ANKHD1: variants seen among roughly 807,000 people sequenced by gnomAD.
The protein encoded by ANKHD1 is ankyrin repeat and KH domain containing 1.
In ANKHD1, 31 loss-of-function variants were observed where a neutral mutation model predicts 230.5. The ratio of observed to expected loss-of-function variants is 0.13; its 90% CI spans 0.10 to 0.18. The LOEUF (loss-of-function observed/expected upper bound fraction) is 0.18. ANKHD1 is among the 10% of genes least tolerant of loss of function. The pLI is 1.00. For synonymous variants in ANKHD1, 1,074 were observed against 1,117.6 expected (o/e 0.96, Z 0.78); for missense variants, 2,256 against 3,071.3 (o/e 0.73, Z 6.27).
At chr5:140,521,755 A>G (rs1019367977) in intron 24 of ANKHD1, among the ~76,000 whole-genome samples, 1 of 152,192 alleles carries the variant, frequency 6.6e-6, no homozygotes, top group African/African-American at 2.4e-5. Context: ...TGAAGTGGGC[A>G]GATCACCTGA....
intron 7 of ANKHD1, among the ~76,000 whole-genome samples, chr5:140,452,539 A>G (rs1000678321): frequency 6.6e-6 from 1 of 152,214 alleles, no homozygotes; most frequent in African/African-American, 2.4e-5. Context: ...AGGAACGATC[A>G]GGCAGGAACA....
chr5:140,535,567 A>G, intron 30 of ANKHD1, 29 bp downstream of exon 30: 6 of 1,555,704 alleles, frequency 3.9e-6, no homozygotes, highest in Non-Finnish European at 5.2e-6. Flanking sequence ...CTCTTCCCAA[A>G]GAGTTTTGAA....
rs147333541 is a variant in ANKHD1, at chr5:140,471,183, C to G, written c.1782+6407C>G. ...ATTTCAGGTTTTTAGATTAGTGATG[C>G]TCAATCTGTATTTAGTTTCTTCTAT... On this transcript the variant is annotated intron_variant, in intron 10 of 33. Transcript: ENST00000360839. Among the ~76,000 whole-genome samples, 15 of 152,220 alleles carry G rather than the reference C, an allele frequency of 9.9e-5. No homozygotes were observed. The East Asian group carries it at 2.7e-3, about 27-fold the overall frequency.
At chr5:140,454,522 A>G (rs1490529511) in intron 7 of ANKHD1, among the ~76,000 whole-genome samples, 2 of 152,256 alleles carry the variant, frequency 1.3e-5, no homozygotes, top group Non-Finnish European at 2.9e-5. Flanking sequence ...CTCTCAGACC[A>G]CAATGCAATC....
chr5:140,427,344 C>T (rs1356722520), intron 1 of ANKHD1, among the ~76,000 whole-genome samples: 10 of 140,380 alleles, frequency 7.1e-5, no homozygotes, highest in African/African-American at 1.3e-4. Context: ...ACCTCCCTCC[C>T]GGACGGGGCG....
At chr5:140,532,707 G>A in intron 29 of ANKHD1, 2 of 326,634 alleles carry the variant, frequency 6.1e-6, no homozygotes, top group Non-Finnish European at 1.2e-5. Context: ...AACTTTAAAT[G>A]AGTAAATTGT....
At chr5:140,440,904 A>G in intron 4 of ANKHD1, 91 bp from the exon 5 acceptor site, 1 of 1,341,172 alleles carries the variant, frequency 7.5e-7, no homozygotes, top group Non-Finnish European at 9.6e-7. Context: ...CCTATTCTAG[A>G]AGAATATCTT....
At chr5:140,458,193 G>C (rs914230505) in intron 7 of ANKHD1, among the ~76,000 whole-genome samples, 14 of 152,170 alleles carry the variant, frequency 9.2e-5, no homozygotes, top group African/African-American at 3.4e-4. Context: ...TGAAATAGAT[G>C]TAATACGGTT....
chr5:140,498,777 G>A (rs919417831), intron 15 of ANKHD1, among the ~76,000 whole-genome samples: 7 of 151,772 alleles, frequency 4.6e-5, no homozygotes, highest in African/African-American at 1.7e-4. Context: ...TCTGTAACTA[G>A]CATTATAATG....
At chr5:140,534,252 C>T (rs1753974581) in intron 29 of ANKHD1, among the ~76,000 whole-genome samples, 1 of 152,106 alleles carries the variant, frequency 6.6e-6, no homozygotes, top group East Asian at 1.9e-4. Context: ...ATTAGCCGGG[C>T]GTGATGGCAG....
chr5:140,464,595 A>G, intron 9 of ANKHD1, 72 bp from the exon 10 acceptor site: 1 of 1,290,406 alleles, frequency 7.7e-7, no homozygotes, highest in Non-Finnish European at 1.0e-6. Flanking sequence ...CAGTTTCACC[A>G]GATTGCAAAA....
intron 14 of ANKHD1, among the ~76,000 whole-genome samples, chr5:140,492,438 A>T (rs1223294873): frequency 6.6e-6 from 1 of 152,220 alleles, no homozygotes; most frequent in Non-Finnish European, 1.5e-5. Flanking sequence ...AAGGAAAAAT[A>T]AGTCAATTCT....
At chr5:140,428,625 G>A (rs1334017650) in intron 1 of ANKHD1, among the ~76,000 whole-genome samples, 2 of 152,146 alleles carry the variant, frequency 1.3e-5, no homozygotes, top group Non-Finnish European at 2.9e-5. Context: ...GGGAGACCGT[G>A]GAAAGAGAGG....
At chr5:140,450,317 A>G (rs907256570) in intron 7 of ANKHD1, among the ~76,000 whole-genome samples, 1 of 145,904 alleles carries the variant, frequency 6.9e-6, no homozygotes, top group African/African-American at 2.6e-5. Context: ...TTTTTTTGAG[A>G]CAGAGTCTTG....
chr5:140,538,167 A>G lies in ANKHD1; in HGVS notation c.7310A>G (p.Gln2437Arg), dbSNP rs760169103. 2.9e-5 allele frequency: 47 copies of G among 1,614,198 alleles called. No individual in the cohort carries two copies. Among genetic ancestry groups the G allele is most frequent in the Non-Finnish European group, 3.9e-5 (46 of 1,180,030 alleles). ...TTATCAGACCCAAGCACATTCTCCC[A>G]ACATCAGCCAATGGAGAGAGATGAT... ...QQLSDPSTFS[Q>R]HQPMERDDSG... Residue 2437 changes from glutamine to arginine, a missense_variant, in exon 32 of 34, where the codon CAA (glutamine) becomes CGA (arginine). Gln to Arg is a conservative substitution (Grantham distance 43). Transcript: ENST00000360839.
chr5:140,486,002 A>T, intron 13 of ANKHD1: 1 of 354,504 alleles, frequency 2.8e-6, no homozygotes, highest in Non-Finnish European at 4.9e-6. Flanking sequence ...TATTACAACT[A>T]GGTTTTTCAG....
chr5:140,539,352 T>A lies in ANKHD1; in HGVS notation c.7570-7T>A. 1 of 1,612,946 alleles carries A rather than the reference T, an allele frequency of 6.2e-7. No individual in the cohort carries two copies. Among genetic ancestry groups the A allele is most frequent in the Non-Finnish European group, 8.5e-7 (1 of 1,179,586 alleles). The stretch of plus-strand genomic sequence containing the variant: ...TAGAAATTCCAATTTTTCCTCCCCC[T>A]TTTCAGATTTGGCCTGGCACGTGGG... On this transcript the variant is annotated splice_polypyrimidine_tract_variant and splice_region_variant and intron_variant, in intron 33 of 33. Transcript: ENST00000360839.
In ANKHD1 at chr5:140,527,851, A is replaced by C. The variant is rs185138629; in HGVS notation, c.5088-22A>C. On this transcript the variant is annotated intron_variant, in intron 27 of 33. Transcript: ENST00000360839. This position sits in a 1 kb window ranked among gnomAD's most constrained non-coding sequence, Gnocchi z 4.5. ...AAGAGACATTTAATTTCATAAGCTC[A>C]TGTGTATTCTTCATTTTATAGGTCA... 1.2e-6 allele frequency: 2 copies of C among 1,605,424 alleles called. No homozygotes were observed. Among genetic ancestry groups the C allele is most frequent in the Non-Finnish European group, 1.7e-6 (2 of 1,176,096 alleles).
chr5:140,458,981 C>CATATATAT (rs1335940395), intron 8 of ANKHD1, 119 bp downstream of exon 8: 14 of 22,830 alleles, frequency 6.1e-4, no homozygotes, highest in South Asian at 2.4e-3. Context: ...TATATATATG[C>CATATATAT]ATATATATAT....
Sources: allele counts gnomAD v4.1 joint callset (sites outside exome capture counted in the v4.1 genomes callset), GRCh38; gene constraint gnomAD v4.1.1; non-coding constraint Gnocchi (gnomAD v3.1); transcripts MANE v1.5; gene names NCBI Gene and HGNC (gene_info 2026-07-23, HGNC 2026-07-21).